Variants in GCSH observed in about 807,000 individuals in gnomAD.
GCSH encodes glycine cleavage system protein H.
GCSH carries 15 observed loss-of-function variants against 21.3 expected under a neutral mutation model. That is an observed-to-expected ratio of 0.70 (90% CI 0.47 to 1.08). The LOEUF (loss-of-function observed/expected upper bound fraction) is 1.08, where lower values mean the gene tolerates loss of function less well. Ranked by LOEUF, GCSH falls within the 50% of genes least tolerant of loss-of-function variation. The pLI is 0.00. For synonymous variants in GCSH, 59 were observed against 84.5 expected (o/e 0.70, Z 1.66); for missense variants, 179 against 217.5 (o/e 0.82, Z 1.11).
intron 1 of GCSH, among the ~76,000 whole-genome samples, chr16:81,091,485 G>A (rs1422980582): frequency 6.6e-6 from 1 of 152,180 alleles, no homozygotes; most frequent in Non-Finnish European, 1.5e-5. Context: ...ACCGGCCAAT[G>A]TTCAAGAGTA....
At chr16:81,094,827 T>C (rs1159762985) in intron 1 of GCSH, among the ~76,000 whole-genome samples, 1 of 152,166 alleles carries the variant, frequency 6.6e-6, no homozygotes, top group Non-Finnish European at 1.5e-5. Context: ...CCTGGCGCGG[T>C]GACGCACGAC....
At chr16:81,094,689 A>AT (rs1972464191) in intron 1 of GCSH, among the ~76,000 whole-genome samples, 1 of 152,128 alleles carries the variant, frequency 6.6e-6, no homozygotes, top group Non-Finnish European at 1.5e-5. Context: ...TAAATTTATC[A>AT]ACCATTCCAG....
chr16:81,090,096 CT>C (rs112174861), intron 2 of GCSH, among the ~76,000 whole-genome samples: 81 of 145,920 alleles, frequency 5.6e-4, no homozygotes, highest in Admixed American at 6.2e-4. Context: ...TTCTTTCTTT[CT>C]TTTTTTTTTT....
intron 1 of GCSH, among the ~76,000 whole-genome samples, chr16:81,095,109 A>C (rs990265282): frequency 6.6e-6 from 1 of 152,018 alleles, no homozygotes; most frequent in East Asian, 1.9e-4. Context: ...AAGAAAAAAA[A>C]AAAAAAAGAA....
chr16:81,083,229 C>T (rs912639460), intron 4 of GCSH: 5 of 442,682 alleles, frequency 1.1e-5, no homozygotes, highest in African/African-American at 4.0e-5. Flanking sequence ...ACATTTAAAT[C>T]TTTAAGGGCC....
At chr16:81,087,431 G>A (rs1972305958) in intron 3 of GCSH, among the ~76,000 whole-genome samples, 170 bp downstream of exon 3, 1 of 151,886 alleles carries the variant, frequency 6.6e-6, no homozygotes, top group Non-Finnish European at 1.5e-5. Context: ...CCAGGAGGCA[G>A]AGGTTACAGT....
chr16:81,087,696 T>G, intron 2 of GCSH, 32 bp from the exon 3 acceptor site: 1 of 1,472,064 alleles, frequency 6.8e-7, no homozygotes, highest in Non-Finnish European at 9.5e-7. Context: ...CAAAAATCTC[T>G]AAGAAGTTAT....
rs569019078 is a variant in GCSH at position 81,087,137 on chromosome 16, C to T, written c.292+464G>A. Among the ~76,000 whole-genome samples, 6 of 152,034 alleles carry T rather than the reference C, an allele frequency of 3.9e-5. No individual in the cohort carries two copies. In the East Asian group the frequency reaches 9.7e-4, roughly 25 times the overall value. On this transcript the variant is annotated intron_variant, in intron 3 of 4. Coordinates refer to ENST00000315467, the MANE Select transcript of GCSH (RefSeq NM_004483.5). ...CTGGAGTACAGTGATGGGATCTCGG[C>T]TCACTGCAACCTCCGCCTCCCAAGT...
rs116040426 is a variant in GCSH, at chr16:81,091,768, A to G, written c.149-1088T>C. Reference sequence around the variant, plus strand: ...CTCTGATACGCAGCACAACGTAAGTAGAGTGTATAATTATTATTTTTATTT... The same window carrying G: ...CTCTGATACGCAGCACAACGTAAGTGGAGTGTATAATTATTATTTTTATTT... On this transcript the variant is annotated intron_variant, in intron 1 of 4. Coordinates refer to ENST00000315467, the MANE Select transcript of GCSH (RefSeq NM_004483.5). Among the ~76,000 whole-genome samples, 1,014 of 152,210 alleles carry G rather than the reference A, an allele frequency of 6.7e-3. 11 individuals carry two copies. Among genetic ancestry groups the G allele is most frequent in the African/African-American group, 0.023 (962 of 41,544 alleles).
chr16:81,092,384 T>C (rs1015425714), intron 1 of GCSH, among the ~76,000 whole-genome samples: 1 of 152,120 alleles, frequency 6.6e-6, no homozygotes, highest in African/African-American at 2.4e-5. Context: ...TTAAATACAG[T>C]GCTTGCCACA....
chr16:81,086,487 G>A (rs1177621030), intron 3 of GCSH, among the ~76,000 whole-genome samples: 3 of 152,064 alleles, frequency 2.0e-5, no homozygotes, highest in Non-Finnish European at 2.9e-5. Flanking sequence ...AACCTAGGAG[G>A]CGGAGGTTGC....
At position 81,096,335 on chromosome 16, in the gene GCSH, G is replaced by C. The variant is rs770646619; in HGVS notation, c.-57C>G. 2.0e-4 allele frequency: 258 copies of C among 1,317,082 alleles called. No individual in the cohort carries two copies. The Middle Eastern group carries it at 3.7e-3, about 19-fold the overall frequency. The allele number at this position is 1,317,082 out of a possible 1,614,324, so 81.6% of individuals were successfully genotyped here. A position where few individuals can be genotyped will look rare whatever the true frequency, so the allele number is the denominator to read the frequency against. ...GCCTCGGCCACCCGCGCCGGGAGGC[G>C]GGGCGGGGAGGGGCAGTTCGCGGCC... On this transcript the variant is annotated 5_prime_UTR_variant, in exon 1 of 5. Coordinates refer to ENST00000315467, the MANE Select transcript of GCSH (RefSeq NM_004483.5).
intron 1 of GCSH, among the ~76,000 whole-genome samples, chr16:81,092,989 A>G (rs908198653): frequency 6.6e-6 from 1 of 152,032 alleles, no homozygotes; most frequent in African/African-American, 2.4e-5. Context: ...AAAATTAGCC[A>G]GGTGTAGTGG....
chr16:81,093,131 A>C (rs1002034688), intron 1 of GCSH, among the ~76,000 whole-genome samples: 34 of 152,074 alleles, frequency 2.2e-4, no homozygotes, highest in Admixed American at 2.2e-3. Flanking sequence ...TCCAAAAAAA[A>C]AAAAAAAAAG....
chr16:81,085,013 C>CTT (rs1491256988), intron 3 of GCSH, among the ~76,000 whole-genome samples: 1 of 58,726 alleles, frequency 1.7e-5, no homozygotes. Context: ...CTGCACCTGG[C>CTT]TCTTTTTTTT....
intron 1 of GCSH, among the ~76,000 whole-genome samples, chr16:81,095,607 C>T (rs1209552234): frequency 1.2e-4 from 2 of 16,564 alleles, no homozygotes; most frequent in African/African-American, 2.3e-4. Flanking sequence ...TAGTCTCGAT[C>T]TCCTGACCTC....
chr16:81,084,184 G>GC (rs59034169), intron 4 of GCSH: 54,300 of 552,976 alleles, frequency 0.098, 3,115 homozygotes, highest in East Asian at 0.21. Flanking sequence ...TCACCATGTT[G>GC]CCCAGGCTGG....
At chr16:81,085,078 G>C (rs1460892023) in intron 3 of GCSH, among the ~76,000 whole-genome samples, 2 of 131,578 alleles carry the variant, frequency 1.5e-5, no homozygotes, top group Admixed American at 1.8e-4. Context: ...ACAATGGTGT[G>C]TTCTAGGCTC....
In GCSH at chr16:81,082,250, G is replaced by T. The variant is rs186051402; in HGVS notation, c.*616C>A. On this transcript the variant is annotated 3_prime_UTR_variant, in exon 5 of 5. Coordinates refer to ENST00000315467, the MANE Select transcript of GCSH (RefSeq NM_004483.5). ...ATTTCCTTTTAAAAAGTAACTTTCC[G>T]TAAGTTAAAGTTAGCACTTTCACAA... 1 of 452,630 alleles carries T rather than the reference G, an allele frequency of 2.2e-6. No individual in the cohort carries two copies. Among genetic ancestry groups the T allele is most frequent in the Non-Finnish European group, 4.4e-6 (1 of 226,038 alleles). The allele number at this position is 452,630 out of a possible 1,614,324, so 28.0% of individuals were successfully genotyped here.
Sources: gnomAD v4.1 joint callset for allele counts (sites outside exome capture counted in the v4.1 genomes callset) on GRCh38, gnomAD v4.1.1 for gene constraint, MANE v1.5 for transcripts, NCBI Gene and HGNC (gene_info 2026-07-23, HGNC 2026-07-21) for gene names.